Variants in KATNAL1 observed in about 807,000 individuals in gnomAD.
The protein encoded by KATNAL1 is katanin catalytic subunit A1 like 1, also known as katanin p60 ATPase-containing subunit A-like 1.
KATNAL1 carries 32 observed loss-of-function variants against 55.2 expected under a neutral mutation model. The observed-to-expected ratio is 0.58, with a 90% CI of 0.44 to 0.78. KATNAL1 has a LOEUF of 0.78. KATNAL1 is among the 30% of genes least tolerant of loss of function. KATNAL1 has a pLI of 0.00. For missense variants in KATNAL1, 466 were observed against 600.9 expected, an observed-to-expected ratio of 0.78 and a Z score of 2.35; for synonymous variants, 193 against 193.6, an observed-to-expected ratio of 1.00 and a Z score of 0.02.
intron 6 of KATNAL1, among the ~76,000 whole-genome samples, chr13:30,234,985 C>T (rs1876510197): frequency 6.6e-6 from 1 of 152,166 alleles, no homozygotes; most frequent in Non-Finnish European, 1.5e-5. Context: ...GATGACCATG[C>T]CAGGAAAACC....
At chr13:30,298,036 G>A (rs2137567217) in intron 1 of KATNAL1, among the ~76,000 whole-genome samples, 1 of 152,266 alleles carries the variant, frequency 6.6e-6, no homozygotes, top group East Asian at 1.9e-4. Context: ...AATTTTTAAA[G>A]TATTTTTAAA....
Position 30,230,600 on chromosome 13 carries a change from T to A in KATNAL1, c.886-6A>T, listed in dbSNP as rs756360466. 6.3e-7 allele frequency: 1 copy of A among 1,577,108 alleles called. No homozygotes were observed. Among genetic ancestry groups the A allele is most frequent in the South Asian group, 1.2e-5 (1 of 85,592 alleles). On this transcript the variant is annotated splice_region_variant and splice_polypyrimidine_tract_variant and intron_variant, in intron 7 of 10. Transcript: ENST00000380615. ...GTAGGGGCATAAAATCTAGCCTTTATGAAAATATTTTAAAGAAATCATTCA... is the reference window on the plus strand; with the variant it reads ...GTAGGGGCATAAAATCTAGCCTTTAAGAAAATATTTTAAAGAAATCATTCA...
chr13:30,275,065 T>A (rs1229335705), intron 3 of KATNAL1, among the ~76,000 whole-genome samples: 1 of 152,152 alleles, frequency 6.6e-6, no homozygotes, highest in East Asian at 1.9e-4. Flanking sequence ...TTAGTCTGTT[T>A]TTGTTTTTTG....
At chr13:30,227,784 C>A in intron 8 of KATNAL1, among the ~76,000 whole-genome samples, 1 of 150,182 alleles carries the variant, frequency 6.7e-6, no homozygotes, top group Non-Finnish European at 1.5e-5. Flanking sequence ...TCTTGTGCAA[C>A]CTAGTGCAGG....
chr13:30,257,356 T>A (rs1878881101), intron 3 of KATNAL1, among the ~76,000 whole-genome samples: 1 of 152,252 alleles, frequency 6.6e-6, no homozygotes, highest in East Asian at 1.9e-4. Flanking sequence ...TTTGCTCTTT[T>A]GTAAGCGGCT....
chr13:30,279,480 G>A (rs973231940), intron 3 of KATNAL1, among the ~76,000 whole-genome samples: 1 of 152,092 alleles, frequency 6.6e-6, no homozygotes, highest in East Asian at 1.9e-4. Context: ...GGTATTCCTT[G>A]AAGAAAGAAG....
intron 1 of KATNAL1, chr13:30,296,446 C>A: frequency 1.3e-6 from 1 of 794,340 alleles, no homozygotes; most frequent in East Asian, 2.6e-5. Context: ...GCCCCCTGAA[C>A]ATCCCCCTGC....
In KATNAL1 at chr13:30,210,315, C is replaced by A. The variant is rs1873554875; in HGVS notation, c.1274+1G>T. 1 of 1,579,408 alleles carries A rather than the reference C, an allele frequency of 6.3e-7. No homozygotes were observed. The highest frequency in any genetic ancestry group is 1.4e-5 in the African/African-American group (1 of 72,286). On this transcript the variant is annotated splice_donor_variant, in intron 10 of 10. Transcript: ENST00000380615. LOFTEE classifies it high-confidence loss of function. ...AAAATCACAGATCATTAAAAAAATA[C>A]CTGCAAACATTAGTGATGTCAGCAC...
At chr13:30,263,033 G>C (rs1239079361) in intron 3 of KATNAL1, among the ~76,000 whole-genome samples, 1 of 152,162 alleles carries the variant, frequency 6.6e-6, no homozygotes, top group Non-Finnish European at 1.5e-5. Context: ...GATCAAGTGG[G>C]CTTCATCCCT....
intron 4 of KATNAL1, among the ~76,000 whole-genome samples, chr13:30,242,550 G>A (rs1667806423): frequency 6.6e-6 from 1 of 152,170 alleles, no homozygotes; most frequent in African/African-American, 2.4e-5. Flanking sequence ...ACTGTGAAGT[G>A]CTGTGAAAAA....
chr13:30,293,930 T>C (rs1882306116), intron 1 of KATNAL1, among the ~76,000 whole-genome samples: 1 of 152,218 alleles, frequency 6.6e-6, no homozygotes. Flanking sequence ...TTATTATATC[T>C]GTTAATAGTG....
At chr13:30,216,434 G>T (rs1158096372) in intron 9 of KATNAL1, among the ~76,000 whole-genome samples, 1 of 152,116 alleles carries the variant, frequency 6.6e-6, no homozygotes, top group Non-Finnish European at 1.5e-5. Context: ...AACTGTTTCT[G>T]TATTGAGTTA....
At chr13:30,250,999 G>A (rs1008506094) in intron 4 of KATNAL1, among the ~76,000 whole-genome samples, 4 of 152,062 alleles carry the variant, frequency 2.6e-5, no homozygotes, top group Admixed American at 6.6e-5. Flanking sequence ...ATAGCTGGGC[G>A]TGGTGGCGGC....
chr13:30,280,279 G>A (rs983333859), intron 2 of KATNAL1, 56 bp from the exon 3 acceptor site: 4 of 1,381,348 alleles, frequency 2.9e-6, no homozygotes, highest in Non-Finnish European at 3.9e-6. Flanking sequence ...TTCATAAATT[G>A]TAAATAATAA....
intron 3 of KATNAL1, among the ~76,000 whole-genome samples, chr13:30,263,312 G>C: frequency 6.6e-6 from 1 of 152,094 alleles, no homozygotes; most frequent in East Asian, 1.9e-4. Context: ...ACGGGCACAA[G>C]ACAGGGATGC....
Position 30,220,545 on chromosome 13 carries a change from C to T in KATNAL1, c.1147+6867G>A, listed in dbSNP as rs551908313. Among the ~76,000 whole-genome samples the T allele has an allele frequency of 5.2e-4, 79 of 152,180 alleles. 2 individuals carry two copies. In the South Asian group the frequency reaches 0.016, roughly 30 times the overall value. The stretch of plus-strand genomic sequence containing the variant: ...AATCACAAATAAGGAAAAAAACGCT[C>T]GAATTTCAACTTGTGTATGAGCCAG... On this transcript the variant is annotated intron_variant, in intron 9 of 10. Coordinates refer to ENST00000380615, the MANE Select transcript of KATNAL1 (RefSeq NM_032116.5).
chr13:30,284,308 C>T (rs1423036370), intron 1 of KATNAL1, among the ~76,000 whole-genome samples: 1 of 152,172 alleles, frequency 6.6e-6, no homozygotes, highest in African/African-American at 2.4e-5. Context: ...GGTTACACAG[C>T]TCTGAACTAC....
chr13:30,255,249 G>T (rs114846682), intron 4 of KATNAL1, among the ~76,000 whole-genome samples, 198 bp downstream of exon 4: 5,264 of 152,218 alleles, frequency 0.035, 103 homozygotes, highest in African/African-American at 0.051. Flanking sequence ...TGTGTATATA[G>T]ATATTTACTA....
At position 30,218,443 on chromosome 13, in the gene KATNAL1, T is replaced by C. The variant is rs1874530113; in HGVS notation, c.1148-8001A>G. Among the ~76,000 whole-genome samples the C allele has an allele frequency of 3.3e-5, 5 of 152,156 alleles. No homozygotes were observed. The South Asian group carries it at 1.0e-3, about 32-fold the overall frequency. ...AGGTAAGAACATTAGAACTCACTTG[T>C]GCCTATTATTTTGCCTTCTGTTGAC... On this transcript the variant is annotated intron_variant, in intron 9 of 10. Coordinates refer to ENST00000380615, the MANE Select transcript of KATNAL1 (RefSeq NM_032116.5).
Sources: gnomAD v4.1 joint callset for allele counts (sites outside exome capture counted in the v4.1 genomes callset) on GRCh38, gnomAD v4.1.1 for gene constraint, MANE v1.5 for transcripts, NCBI Gene and HGNC (gene_info 2026-07-23, HGNC 2026-07-21) for gene names.